AGBL4: variants seen among roughly 807,000 people sequenced by gnomAD.
The protein encoded by AGBL4 is AGBL carboxypeptidase 4.
A neutral mutation model predicts 66.4 loss-of-function variants in AGBL4; 58 were observed. That is an observed-to-expected ratio of 0.87 (90% CI 0.71 to 1.09). The LOEUF is 1.09. AGBL4 is among the 50% of genes least tolerant of loss of function. The pLI, the probability that AGBL4 is intolerant of heterozygous loss-of-function variation, is 0.00. For missense variants in AGBL4, 579 were observed against 631.0 expected (o/e 0.92, Z 0.88); for synonymous variants, 234 against 222.9 (o/e 1.05, Z -0.44).
At chr1:49,313,653 G>A (rs1027010952) in intron 3 of AGBL4, among the ~76,000 whole-genome samples, 1 of 151,966 alleles carries the variant, frequency 6.6e-6, no homozygotes, top group Non-Finnish European at 1.5e-5. Context: ...TCATATGTTT[G>A]TTGGCCACAT....
rs774018600 is a variant in AGBL4 at position 49,697,308 on chromosome 1, C to T, written c.282+5G>A. 2 of 1,544,688 alleles carry T rather than the reference C, an allele frequency of 1.3e-6. No individual in the cohort carries two copies. The highest frequency in any genetic ancestry group is 1.7e-4 in the Middle Eastern group (1 of 5,964). ...CACTCTGAAGGTATCCACTATTTCC[C>T]TCACCTGTGATTCTTTCACATTTTC... On this transcript the variant is annotated splice_donor_5th_base_variant and intron_variant, in intron 3 of 13. Coordinates refer to ENST00000371839, the MANE Select transcript of AGBL4 (RefSeq NM_032785.4).
In AGBL4 at chr1:49,293,584, G is replaced by T. The variant is rs186363023; in HGVS notation, c.283-47720C>A. 2.6e-5 allele frequency among the ~76,000 whole-genome samples: 4 copies of T among 152,334 alleles called. No individual in the cohort carries two copies. The East Asian group carries it at 7.7e-4, about 29-fold the overall frequency. On this transcript the variant is annotated intron_variant, in intron 3 of 13. Transcript: ENST00000371839. ...CCCACTAATATTTATGACTCCCTGA[G>T]GAGATTCTGAATATGCAGTTGTTAA...
intron 3 of AGBL4, among the ~76,000 whole-genome samples, chr1:49,677,827 T>C (rs1356286439): frequency 6.6e-6 from 1 of 152,120 alleles, no homozygotes; most frequent in African/African-American, 2.4e-5. Flanking sequence ...GCTTGCTTGC[T>C]TTCTCCACAG....
At chr1:48,890,090 AC>A (rs1377199598) in intron 5 of AGBL4, among the ~76,000 whole-genome samples, 1 of 152,026 alleles carries the variant, frequency 6.6e-6, no homozygotes, top group Admixed American at 6.6e-5. Context: ...ACACTGGAAC[AC>A]AGGGCTAGAA....
At chr1:49,912,881 C>G (rs1650996420) in intron 1 of AGBL4, among the ~76,000 whole-genome samples, 1 of 152,124 alleles carries the variant, frequency 6.6e-6, no homozygotes, top group Non-Finnish European at 1.5e-5. Flanking sequence ...GAACCAAAAT[C>G]CCACAATAAC....
intron 3 of AGBL4, among the ~76,000 whole-genome samples, chr1:49,606,807 C>T (rs908058645): frequency 6.6e-6 from 1 of 152,048 alleles, no homozygotes; most frequent in Non-Finnish European, 1.5e-5. Flanking sequence ...CCAAAACTTG[C>T]TTGTCTCAAA....
chr1:48,909,580 C>A (rs555964376), intron 5 of AGBL4, among the ~76,000 whole-genome samples: 1 of 152,244 alleles, frequency 6.6e-6, no homozygotes, highest in East Asian at 1.9e-4. Flanking sequence ...GGAGCAAGCC[C>A]ATAAGCAGGG....
intron 3 of AGBL4, among the ~76,000 whole-genome samples, chr1:49,407,332 T>A (rs930871634): frequency 3.9e-5 from 6 of 152,106 alleles, no homozygotes; most frequent in African/African-American, 7.2e-5. Flanking sequence ...AGACTGCCTG[T>A]GGCTTTCATC....
At position 49,283,868 on chromosome 1, in the gene AGBL4, G is replaced by C. The variant is rs201446794; in HGVS notation, c.283-38004C>G. Among the ~76,000 whole-genome samples, 1,070 of 147,506 alleles carry C rather than the reference G, an allele frequency of 7.3e-3. 66 individuals are homozygous for C. The East Asian group carries it at 0.17, about 23-fold the overall frequency. On this transcript the variant is annotated intron_variant, in intron 3 of 13. Coordinates refer to ENST00000371839, the MANE Select transcript of AGBL4 (RefSeq NM_032785.4). ...AAGCCTCCAAGAAATATGGGACTAT[G>C]TGAAAAGACCAAATCTACGTCTGAT... is the stretch of plus-strand genomic sequence containing the variant.
At chr1:49,176,015 C>G (rs769441416) in intron 4 of AGBL4, among the ~76,000 whole-genome samples, 1 of 152,100 alleles carries the variant, frequency 6.6e-6, no homozygotes, top group Non-Finnish European at 1.5e-5. Flanking sequence ...ATATACAATA[C>G]ACAATCACTC....
At chr1:49,940,230 A>T (rs1458938222) in intron 1 of AGBL4, among the ~76,000 whole-genome samples, 1 of 152,244 alleles carries the variant, frequency 6.6e-6, no homozygotes, top group Non-Finnish European at 1.5e-5. Flanking sequence ...GTGGAGAAAT[A>T]GGAACACTTT....
At chr1:48,804,994 G>A (rs1401302679) in intron 6 of AGBL4, among the ~76,000 whole-genome samples, 1 of 152,122 alleles carries the variant, frequency 6.6e-6, no homozygotes, top group Non-Finnish European at 1.5e-5. Flanking sequence ...CCTTCCCCTT[G>A]AGTTCCTACC....
intron 6 of AGBL4, among the ~76,000 whole-genome samples, chr1:48,797,621 G>A (rs1029594688): frequency 5.3e-5 from 8 of 151,552 alleles, no homozygotes; most frequent in Non-Finnish European, 7.4e-5. Context: ...TTTTTGAGAC[G>A]GAGTCTCACT....
Position 49,784,760 on chromosome 1 carries a change from C to T in AGBL4, c.157+66636G>A, listed in dbSNP as rs372919799. On this transcript the variant is annotated intron_variant, in intron 2 of 13. Transcript: ENST00000371839. ...ACTTATATCCAGCACATATAAAGAA[C>T]TCTTACAGTTAATAATAAAAAGATA... is the stretch of plus-strand genomic sequence containing the variant. Among the ~76,000 whole-genome samples the T allele has an allele frequency of 1.6e-3, 239 of 151,830 alleles. 1 individual carries two copies. Among genetic ancestry groups the T allele is most frequent in the African/African-American group, 4.9e-3 (204 of 41,468 alleles).
intron 8 of AGBL4, among the ~76,000 whole-genome samples, chr1:48,640,074 G>T (rs1313184493): frequency 1.3e-5 from 2 of 152,080 alleles, no homozygotes; most frequent in East Asian, 3.9e-4. Context: ...TCTATTATTT[G>T]TTTTTAAGAT....
At chr1:49,666,885 C>T (rs1009607011) in intron 3 of AGBL4, among the ~76,000 whole-genome samples, 3 of 151,992 alleles carry the variant, frequency 2.0e-5, no homozygotes, top group Admixed American at 2.0e-4. Context: ...ACTTAAGATG[C>T]CTAAATCAAG....
At chr1:49,002,558 G>A (rs1174890302) in intron 5 of AGBL4, among the ~76,000 whole-genome samples, 2 of 152,174 alleles carry the variant, frequency 1.3e-5, no homozygotes, top group Non-Finnish European at 2.9e-5. Flanking sequence ...AAATAGGAGA[G>A]CAAGGGAGAG....
intron 4 of AGBL4, among the ~76,000 whole-genome samples, chr1:49,222,163 C>T (rs1411590654): frequency 6.6e-6 from 1 of 152,034 alleles, no homozygotes; most frequent in Non-Finnish European, 1.5e-5. Flanking sequence ...ATACAATACC[C>T]ATATTATATA....
At chr1:49,486,050 T>C (rs1462620288) in intron 3 of AGBL4, among the ~76,000 whole-genome samples, 1 of 151,942 alleles carries the variant, frequency 6.6e-6, no homozygotes, top group Non-Finnish European at 1.5e-5. Context: ...GAAGATGCTA[T>C]TAGAGATGCT....
Sources: allele counts gnomAD v4.1 joint callset (sites outside exome capture counted in the v4.1 genomes callset), GRCh38; gene constraint gnomAD v4.1.1; transcripts MANE v1.5; gene names NCBI Gene and HGNC (gene_info 2026-07-23, HGNC 2026-07-21).